Variants in GADL1 observed in about 807,000 individuals in gnomAD.
The protein encoded by GADL1 is acidic amino acid decarboxylase GADL1.
A neutral mutation model predicts 69.5 loss-of-function variants in GADL1; 71 were observed. The observed-to-expected ratio is 1.02, with a 90% CI of 0.84 to 1.25. The LOEUF is 1.25. Ranked by LOEUF, GADL1 falls within the 50% of genes most tolerant of loss-of-function variation. The pLI, the probability that GADL1 is intolerant of heterozygous loss-of-function variation, is 0.00. For synonymous variants in GADL1, 254 were observed against 214.4 expected, an observed-to-expected ratio of 1.18 and a Z score of -1.62; for missense variants, 737 against 631.8, an observed-to-expected ratio of 1.17 and a Z score of -1.79.
At chr3:30,870,160 C>T (rs1313316181) in intron 1 of GADL1, among the ~76,000 whole-genome samples, 1 of 151,650 alleles carries the variant, frequency 6.6e-6, no homozygotes, top group African/African-American at 2.4e-5. Context: ...GCAGTTAAGA[C>T]AAACAGATAA....
chr3:30,863,051 A>ACT (rs1352016561), intron 1 of GADL1, among the ~76,000 whole-genome samples: 2 of 148,896 alleles, frequency 1.3e-5, no homozygotes, highest in Non-Finnish European at 3.0e-5. Context: ...ACACACACAC[A>ACT]CACTCTCTCT....
intron 11 of GADL1, among the ~76,000 whole-genome samples, chr3:30,816,086 G>T (rs1414661704): frequency 6.6e-6 from 1 of 152,124 alleles, no homozygotes; most frequent in African/African-American, 2.4e-5. Context: ...AACTTGCCAG[G>T]CCTGCACTGG....
At chr3:30,853,887 T>A (rs900311444) in intron 4 of GADL1, among the ~76,000 whole-genome samples, 3 of 152,106 alleles carry the variant, frequency 2.0e-5, no homozygotes, top group African/African-American at 7.2e-5. Context: ...TTTTAGAGAT[T>A]TTTTCAGTAA....
intron 8 of GADL1, among the ~76,000 whole-genome samples, chr3:30,839,474 A>T (rs547517099): frequency 4.3e-5 from 6 of 139,390 alleles, no homozygotes; most frequent in Non-Finnish European, 7.4e-5. Context: ...TTCCTGAAAA[A>T]ATACATTTAG....
intron 14 of GADL1, among the ~76,000 whole-genome samples, chr3:30,764,593 C>T (rs769676524): frequency 6.6e-6 from 1 of 152,070 alleles, no homozygotes; most frequent in Non-Finnish European, 1.5e-5. Context: ...GAAGCATGTC[C>T]CAAGCACCAA....
At chr3:30,762,519 T>TGG (rs1461991792) in intron 14 of GADL1, among the ~76,000 whole-genome samples, 3 of 152,174 alleles carry the variant, frequency 2.0e-5, no homozygotes, top group South Asian at 4.1e-4. Context: ...TATATAATTC[T>TGG]GGGGGTACAT....
rs751550063 is a variant in GADL1 at position 30,800,950 on chromosome 3, A to G, written c.1189T>C (p.Trp397Arg). 11 of 1,613,698 alleles carry G rather than the reference A, an allele frequency of 6.8e-6. No homozygotes were observed. Among genetic ancestry groups the G allele is most frequent in the Non-Finnish European group, 8.5e-6 (10 of 1,179,950 alleles). Residue 397 changes from tryptophan to arginine, a missense_variant, in exon 12 of 15, where the codon TGG (tryptophan) becomes CGG (arginine). Trp to Arg is a moderately radical substitution (Grantham distance 101, BLOSUM62 -3). Coordinates refer to ENST00000282538, the MANE Select transcript of GADL1 (RefSeq NM_207359.3). ...RPDAFKFWMT[W>R]KALGTLGLEE... Reference sequence around the variant, plus strand: ...AGGCCTAATGTACCCAGGGCCTTCCAGGTCATCCAGAACTTGAATGCATCT... The same window carrying G: ...AGGCCTAATGTACCCAGGGCCTTCCGGGTCATCCAGAACTTGAATGCATCT...
At chr3:30,864,526 G>A (rs7619165) in intron 1 of GADL1, among the ~76,000 whole-genome samples, 55,874 of 151,694 alleles carry the variant, frequency 0.37, 10,760 homozygotes, top group East Asian at 0.69. Context: ...AGAAAATACT[G>A]TAAAAATCTA....
chr3:30,736,476 A>C (rs1011343219), intron 14 of GADL1, among the ~76,000 whole-genome samples: 4 of 152,202 alleles, frequency 2.6e-5, no homozygotes, highest in African/African-American at 9.6e-5. Flanking sequence ...AATAGGAACT[A>C]ATATTATTTA....
At chr3:30,848,851 C>T (rs981691768) in intron 6 of GADL1, among the ~76,000 whole-genome samples, 2 of 152,152 alleles carry the variant, frequency 1.3e-5, no homozygotes, top group African/African-American at 2.4e-5. Context: ...GCAACTACTG[C>T]GTGGTTGCTG....
At chr3:30,856,109 G>A (rs1181813140) in intron 3 of GADL1, among the ~76,000 whole-genome samples, 3 of 151,944 alleles carry the variant, frequency 2.0e-5, no homozygotes, top group African/African-American at 7.2e-5. Context: ...ACATATCTCT[G>A]CTTTTGAAAT....
intron 14 of GADL1, among the ~76,000 whole-genome samples, chr3:30,759,223 GT>G (rs1696060769): frequency 6.6e-6 from 1 of 151,722 alleles, no homozygotes; most frequent in Non-Finnish European, 1.5e-5. Flanking sequence ...TTAGACATCT[GT>G]CTCTTTAGCT....
chr3:30,774,151 T>C (rs1696481109), intron 14 of GADL1, among the ~76,000 whole-genome samples: 1 of 152,084 alleles, frequency 6.6e-6, no homozygotes, highest in Admixed American at 6.5e-5. Context: ...TTTGGGTAAA[T>C]GTTTCAGATT....
intron 14 of GADL1, among the ~76,000 whole-genome samples, chr3:30,748,658 A>G (rs947372566): frequency 6.6e-6 from 1 of 152,228 alleles, no homozygotes; most frequent in African/African-American, 2.4e-5. Flanking sequence ...AATAGCTTTT[A>G]TCGTCAGAAA....
chr3:30,785,190 T>C (rs1206285582), intron 13 of GADL1, among the ~76,000 whole-genome samples: 1 of 152,140 alleles, frequency 6.6e-6, no homozygotes, highest in African/African-American at 2.4e-5. Flanking sequence ...ACATGTTTTA[T>C]TGTTTTAAGA....
intron 8 of GADL1, among the ~76,000 whole-genome samples, 161 bp from the exon 9 acceptor site, chr3:30,839,274 C>T (rs1018208331): frequency 2.6e-5 from 4 of 151,976 alleles, no homozygotes; most frequent in African/African-American, 9.7e-5. Context: ...GAATATGTGG[C>T]CTCTTGGCAT....
At chr3:30,818,683 C>A (rs1259648354) in intron 11 of GADL1, among the ~76,000 whole-genome samples, 1 of 152,184 alleles carries the variant, frequency 6.6e-6, no homozygotes, top group African/African-American at 2.4e-5. Flanking sequence ...GATATACTTA[C>A]ACTAAAATAT....
At chr3:30,770,989 T>A in intron 14 of GADL1, among the ~76,000 whole-genome samples, 1 of 152,174 alleles carries the variant, frequency 6.6e-6, no homozygotes, top group East Asian at 1.9e-4. Flanking sequence ...ATAACAAATT[T>A]TATGCGTTGA....
chr3:30,861,470 T>G, intron 2 of GADL1, 123 bp downstream of exon 2: 1 of 680,764 alleles, frequency 1.5e-6, no homozygotes, highest in Non-Finnish European at 2.5e-6. Flanking sequence ...GACATCCTTT[T>G]GAGACAAAGG....
Sources: gnomAD v4.1 joint callset for allele counts (sites outside exome capture counted in the v4.1 genomes callset) on GRCh38, gnomAD v4.1.1 for gene constraint, MANE v1.5 for transcripts, NCBI Gene and HGNC (gene_info 2026-07-23, HGNC 2026-07-21) for gene names.